Variants in ARRB1 observed in about 807,000 individuals in gnomAD.
ARRB1 encodes the protein beta-arrestin-1.
A neutral mutation model predicts 56.8 loss-of-function variants in ARRB1; 21 were observed. That is an observed-to-expected ratio of 0.37 (90% confidence interval 0.26 to 0.53). ARRB1 has a LOEUF of 0.53. ARRB1 is among the 20% of genes least tolerant of loss of function. ARRB1 has a pLI of 0.88. For synonymous variants in ARRB1, 210 were observed against 218.6 expected, an observed-to-expected ratio of 0.96 and a Z score of 0.35; for missense variants, 424 against 553.7, an observed-to-expected ratio of 0.77 and a Z score of 2.35.
chr11:75,289,010 G>A (rs35452852), intron 2 of ARRB1, among the ~76,000 whole-genome samples: 2,725 of 152,290 alleles, frequency 0.018, 70 homozygotes, highest in African/African-American at 0.06. Flanking sequence ...ATCTACCGGC[G>A]GGGAGAGGGG....
chr11:75,339,478 C>T (rs749764802), intron 1 of ARRB1, among the ~76,000 whole-genome samples: 17 of 152,210 alleles, frequency 1.1e-4, no homozygotes, highest in Non-Finnish European at 2.5e-4. Flanking sequence ...TATGCCGGCA[C>T]ATAGTAGGTT....
chr11:75,333,166 C>T (rs904762752), intron 1 of ARRB1, among the ~76,000 whole-genome samples: 5 of 152,190 alleles, frequency 3.3e-5, no homozygotes, highest in African/African-American at 4.8e-5. Flanking sequence ...GACTCAACAA[C>T]GCTCACCAAA....
chr11:75,270,117 T>C (rs1011705559), intron 13 of ARRB1, among the ~76,000 whole-genome samples: 2 of 152,266 alleles, frequency 1.3e-5, no homozygotes, highest in East Asian at 3.8e-4. Flanking sequence ...TGAGCTCAAC[T>C]TGGAACAAAG....
At chr11:75,306,654 G>A in intron 1 of ARRB1, 1 of 1,287,826 alleles carries the variant, frequency 7.8e-7, no homozygotes, top group Non-Finnish European at 1.0e-6. Context: ...GCCTGAGCTG[G>A]GGGCTGCAGG....
At chr11:75,294,238 T>C (rs1946673481) in intron 1 of ARRB1, among the ~76,000 whole-genome samples, 3 of 152,036 alleles carry the variant, frequency 2.0e-5, no homozygotes, top group African/African-American at 7.3e-5. Context: ...AACATACTAG[T>C]TGATAATAAA....
chr11:75,346,272 CT>C (rs1240425244), intron 1 of ARRB1, among the ~76,000 whole-genome samples: 17 of 152,170 alleles, frequency 1.1e-4, no homozygotes, highest in African/African-American at 3.4e-4. Flanking sequence ...GAAGCCCCTC[CT>C]TTCTGGAGCC....
intron 5 of ARRB1, 56 bp downstream of exon 5, chr11:75,283,231 G>A (rs1946388892): frequency 5.2e-6 from 8 of 1,538,946 alleles, no homozygotes; most frequent in Non-Finnish European, 7.0e-6. Flanking sequence ...CCACCCCAGA[G>A]GGCTTCCTAG....
intron 1 of ARRB1, among the ~76,000 whole-genome samples, chr11:75,331,693 ACT>A (rs1370788734): frequency 2.7e-5 from 4 of 146,752 alleles, no homozygotes; most frequent in Non-Finnish European, 6.0e-5. Flanking sequence ...CCCTCCACTG[ACT>A]CTCTTTTCGG....
intron 1 of ARRB1, among the ~76,000 whole-genome samples, chr11:75,307,617 C>G (rs1240619076): frequency 6.6e-6 from 1 of 152,212 alleles, no homozygotes; most frequent in East Asian, 1.9e-4. Context: ...CATCTGCTCC[C>G]TCTCCCCAGA....
chr11:75,303,048 C>CTGGAG (rs1043953205), intron 1 of ARRB1, among the ~76,000 whole-genome samples: 8 of 152,020 alleles, frequency 5.3e-5, no homozygotes, highest in Non-Finnish European at 1.2e-4. Context: ...GTCACCCAGG[C>CTGGAG]TGGAGTGGAG....
intron 14 of ARRB1, among the ~76,000 whole-genome samples, chr11:75,268,600 A>G (rs1945998026): frequency 6.7e-6 from 1 of 150,312 alleles, no homozygotes. Context: ...CCCTTCCCCT[A>G]CTTCCAAACG....
intron 1 of ARRB1, among the ~76,000 whole-genome samples, chr11:75,317,089 C>T (rs1447246009): frequency 6.6e-6 from 1 of 152,084 alleles, no homozygotes; most frequent in Non-Finnish European, 1.5e-5. Flanking sequence ...TAATAATAAT[C>T]CCATTTTGCT....
At chr11:75,336,075 G>A (rs1012272420) in intron 1 of ARRB1, among the ~76,000 whole-genome samples, 8 of 152,148 alleles carry the variant, frequency 5.3e-5, no homozygotes, top group South Asian at 2.1e-4. Context: ...CTCGCAGCCC[G>A]TGCCTCTGCC....
At chr11:75,341,021 C>T (rs1447082691) in intron 1 of ARRB1, among the ~76,000 whole-genome samples, 4 of 152,038 alleles carry the variant, frequency 2.6e-5, no homozygotes, top group East Asian at 1.9e-4. Flanking sequence ...CCCCCACCCC[C>T]GCGCACTCAG....
intron 1 of ARRB1, among the ~76,000 whole-genome samples, chr11:75,329,927 G>A (rs932115151): frequency 6.6e-5 from 10 of 151,994 alleles, no homozygotes; most frequent in Non-Finnish European, 1.2e-4. Context: ...TTGACCCCAG[G>A]AGTTCGAGGC....
chr11:75,279,916 C>T (rs1405423987), intron 7 of ARRB1, among the ~76,000 whole-genome samples: 2 of 152,172 alleles, frequency 1.3e-5, no homozygotes, highest in East Asian at 1.9e-4. Context: ...AATATGCCTG[C>T]CTTCGGCCTT....
intron 3 of ARRB1, among the ~76,000 whole-genome samples, chr11:75,285,171 T>C (rs1217894423): frequency 2.0e-5 from 3 of 152,218 alleles, no homozygotes; most frequent in Admixed American, 1.3e-4. Flanking sequence ...GGGGTTGTGA[T>C]CTGCAGTGCC....
chr11:75,294,206 T>A (rs925255800), intron 1 of ARRB1, among the ~76,000 whole-genome samples: 2 of 152,106 alleles, frequency 1.3e-5, no homozygotes, highest in Non-Finnish European at 2.9e-5. Context: ...TGTAGAGTAA[T>A]GTTTTCCAAA....
chr11:75,328,552 C>T (rs1002253037), intron 1 of ARRB1, among the ~76,000 whole-genome samples: 6 of 152,214 alleles, frequency 3.9e-5, no homozygotes, highest in South Asian at 2.1e-4. Context: ...TTCTTACATC[C>T]TTGTCTCCCA....
Sources: allele counts gnomAD v4.1 joint callset (sites outside exome capture counted in the v4.1 genomes callset), GRCh38; gene constraint gnomAD v4.1.1; transcripts MANE v1.5; gene names NCBI Gene and HGNC (gene_info 2026-07-23, HGNC 2026-07-21).